The following DLGAP2 variants were observed in gnomAD, a reference collection of about 807,000 sequenced individuals.
DLGAP2 encodes disks large-associated protein 2.
Under a neutral mutation model 100.3 loss-of-function variants are expected in DLGAP2, and 26 were observed. That is an observed-to-expected ratio of 0.26 (90% CI 0.19 to 0.36). The LOEUF is 0.36. Ranked by LOEUF, DLGAP2 falls within the 10% of genes least tolerant of loss-of-function variation. DLGAP2 has a pLI of 1.00. For synonymous variants in DLGAP2, 886 were observed against 630.1 expected, an observed-to-expected ratio of 1.41 and a Z score of -6.08; for missense variants, 1,858 against 1,453.2, an observed-to-expected ratio of 1.28 and a Z score of -4.53.
At chr8:1,660,907 C>T (rs150367572) in intron 8 of DLGAP2, among the ~76,000 whole-genome samples, 4 of 152,230 alleles carry the variant, frequency 2.6e-5, no homozygotes, top group South Asian at 2.1e-4. Context: ...ATGGTGTCAC[C>T]GAAGAATACA....
intron 1 of DLGAP2, among the ~76,000 whole-genome samples, chr8:757,229 C>T (rs576861706): frequency 1.3e-5 from 2 of 152,324 alleles, no homozygotes; most frequent in African/African-American, 4.8e-5. Context: ...GGACCATTTC[C>T]TCACTTTTGG....
intron 6 of DLGAP2, among the ~76,000 whole-genome samples, chr8:1,619,329 C>T (rs973122834): frequency 2.0e-5 from 3 of 152,120 alleles, no homozygotes; most frequent in Admixed American, 1.3e-4. Context: ...TACAACATGC[C>T]CAAGAGGATA....
At chr8:1,446,958 G>C (rs545271524) in intron 3 of DLGAP2, among the ~76,000 whole-genome samples, 1 of 152,296 alleles carries the variant, frequency 6.6e-6, no homozygotes, top group South Asian at 2.1e-4. Context: ...CTGAGACTTT[G>C]CTGAAGTTGC....
intron 1 of DLGAP2, among the ~76,000 whole-genome samples, chr8:834,662 T>A (rs2132706571): frequency 6.6e-6 from 1 of 152,202 alleles, no homozygotes; most frequent in Admixed American, 6.5e-5. Flanking sequence ...GTCCTGGACC[T>A]CCTCCTTGTT....
chr8:1,156,602 C>CCCAGCGCCCCAG (rs1385660845), intron 2 of DLGAP2, among the ~76,000 whole-genome samples: 4 of 151,862 alleles, frequency 2.6e-5, no homozygotes, highest in East Asian at 1.9e-4. Flanking sequence ...AGCGCCCCAG[C>CCCAGCGCCCCAG]CTAGCGTCCC....
At chr8:831,629 G>T (rs937846185) in intron 1 of DLGAP2, among the ~76,000 whole-genome samples, 2 of 152,236 alleles carry the variant, frequency 1.3e-5, no homozygotes, top group East Asian at 3.9e-4. Context: ...TGGACATTTG[G>T]GTTGGTTCCA....
Position 1,190,630 on chromosome 8 carries a change from G to A in DLGAP2, c.74-68221G>A, listed in dbSNP as rs531573712. Among the ~76,000 whole-genome samples, 13 of 152,274 alleles carry A rather than the reference G, an allele frequency of 8.5e-5. No homozygotes were observed. In the South Asian group the frequency reaches 2.1e-3, roughly 24 times the overall value. Reference sequence around the variant, plus strand: ...CAAAACAGCTGTTTGGTGACTGTGCGAGGTTGTGAGTGTGTGGTTGGCTGG... The same window carrying A: ...CAAAACAGCTGTTTGGTGACTGTGCAAGGTTGTGAGTGTGTGGTTGGCTGG... On this transcript the variant is annotated intron_variant, in intron 2 of 14. Transcript: ENST00000637795.
intron 1 of DLGAP2, among the ~76,000 whole-genome samples, chr8:758,436 T>C (rs1358190946): frequency 6.6e-6 from 1 of 152,194 alleles, no homozygotes; most frequent in Admixed American, 6.5e-5. Flanking sequence ...AAGTAACATT[T>C]GCGTATAGTT....
intron 2 of DLGAP2, among the ~76,000 whole-genome samples, chr8:955,716 A>G (rs1254905463): frequency 2.0e-5 from 3 of 152,194 alleles, no homozygotes; most frequent in Non-Finnish European, 4.4e-5. Flanking sequence ...AACTTCCTCA[A>G]AAAGTCTTAC....
At chr8:819,391 T>G in intron 1 of DLGAP2, among the ~76,000 whole-genome samples, 2 of 152,128 alleles carry the variant, frequency 1.3e-5, no homozygotes, top group East Asian at 3.9e-4. Flanking sequence ...CAAGATATGA[T>G]CAGAAACTCA....
At chr8:1,432,748 T>C (rs978991692) in intron 3 of DLGAP2, among the ~76,000 whole-genome samples, 6 of 152,226 alleles carry the variant, frequency 3.9e-5, no homozygotes, top group African/African-American at 1.2e-4. Context: ...GGGACCTCCA[T>C]GACCTGCCAG....
chr8:846,208 C>T (rs1797069047), intron 1 of DLGAP2, among the ~76,000 whole-genome samples: 1 of 152,114 alleles, frequency 6.6e-6, no homozygotes, highest in Non-Finnish European at 1.5e-5. Context: ...CCAGTCATTC[C>T]ACTGTGCAAC....
chr8:1,046,065 A>G (rs1278553169), intron 2 of DLGAP2, among the ~76,000 whole-genome samples: 1 of 152,188 alleles, frequency 6.6e-6, no homozygotes, highest in Non-Finnish European at 1.5e-5. Flanking sequence ...TTTTCTATTG[A>G]GTCACGGAAA....
At chr8:1,236,908 TTC>T (rs1190355797) in intron 2 of DLGAP2, among the ~76,000 whole-genome samples, 4 of 120,226 alleles carry the variant, frequency 3.3e-5, no homozygotes, top group Non-Finnish European at 6.8e-5. Context: ...CCATGTTTAG[TTC>T]TCTCACATGG....
At chr8:905,560 C>G (rs1250755044) in intron 1 of DLGAP2, among the ~76,000 whole-genome samples, 2 of 152,146 alleles carry the variant, frequency 1.3e-5, no homozygotes, top group African/African-American at 2.4e-5. Context: ...GGGATGAGGT[C>G]TGAGGTTTGC....
intron 1 of DLGAP2, among the ~76,000 whole-genome samples, chr8:793,795 C>A (rs1024623351): frequency 1.3e-5 from 2 of 152,206 alleles, no homozygotes; most frequent in African/African-American, 4.8e-5. Flanking sequence ...TGATTTCCAA[C>A]ACCTCTATTA....
At chr8:807,829 G>T (rs12156398) in intron 1 of DLGAP2, among the ~76,000 whole-genome samples, 1 of 152,074 alleles carries the variant, frequency 6.6e-6, no homozygotes, top group Non-Finnish European at 1.5e-5. Context: ...TCAAAATGAC[G>T]GGGGTGCTGG....
chr8:863,218 G>C (rs1220316681), intron 1 of DLGAP2, among the ~76,000 whole-genome samples: 1 of 152,204 alleles, frequency 6.6e-6, no homozygotes, highest in Non-Finnish European at 1.5e-5. Context: ...GGCAGGATTG[G>C]ACTGGAAATT....
intron 3 of DLGAP2, among the ~76,000 whole-genome samples, chr8:1,453,722 G>A (rs917624747): frequency 2.0e-5 from 3 of 152,202 alleles, no homozygotes; most frequent in African/African-American, 7.2e-5. Flanking sequence ...CTCTTCTCAC[G>A]AGAGTATGCA....
Sources: gnomAD v4.1 joint callset for allele counts (sites outside exome capture counted in the v4.1 genomes callset) on GRCh38, gnomAD v4.1.1 for gene constraint, MANE v1.5 for transcripts, NCBI Gene and HGNC (gene_info 2026-07-23, HGNC 2026-07-21) for gene names.